Variants in PRKD1 observed in about 807,000 individuals in gnomAD.
PRKD1 encodes protein kinase D1.
Under a neutral mutation model 95.9 loss-of-function variants are expected in PRKD1, and 63 were observed. The observed-to-expected ratio is 0.66, with a 90% CI of 0.54 to 0.81. The LOEUF is 0.81. PRKD1 is among the 30% of genes least tolerant of loss of function. PRKD1 has a pLI of 0.00. For missense variants in PRKD1, 1,048 were observed against 1,165.3 expected (o/e 0.90, Z 1.47); for synonymous variants, 425 against 423.1 (o/e 1.00, Z -0.05).
At chr14:29,703,063 T>G (rs1258953908) in intron 2 of PRKD1, among the ~76,000 whole-genome samples, 1 of 152,174 alleles carries the variant, frequency 6.6e-6, no homozygotes, top group East Asian at 1.9e-4. Flanking sequence ...CTTTGCCACG[T>G]GGTCAAATCT....
chr14:29,725,603 G>A lies in PRKD1; in HGVS notation c.336C>T (p.Asn112=). 1 of 1,613,794 alleles carries A rather than the reference G, an allele frequency of 6.2e-7. No individual in the cohort carries two copies. Among genetic ancestry groups the A allele is most frequent in the Non-Finnish European group, 8.5e-7 (1 of 1,179,776 alleles). ...LLFRHDPTSE[N]ILQLVKAASD... is the part of the protein sequence containing the mutation. The stretch of plus-strand genomic sequence containing the variant: ...TGGCCGCTTTCACCAGCTGAAGGAT[G>A]TTTTCAGAGGTAGGGTCATGGCGAA... Residue 112 remains asparagine (N), a synonymous_variant, in exon 2 of 18, where the codon AAC becomes AAT. Transcript: ENST00000331968.
chr14:29,776,462 A>G (rs1417716314), intron 1 of PRKD1, among the ~76,000 whole-genome samples: 1 of 152,192 alleles, frequency 6.6e-6, no homozygotes, highest in Non-Finnish European at 1.5e-5. Context: ...GACCTGATGG[A>G]GCTGAAAACC....
intron 1 of PRKD1, among the ~76,000 whole-genome samples, chr14:29,897,289 C>T (rs1278073600): frequency 6.6e-6 from 1 of 152,052 alleles, no homozygotes; most frequent in Non-Finnish European, 1.5e-5. Flanking sequence ...TATTGTAATA[C>T]TACTGTATAC....
At chr14:29,679,100 T>G (rs185942302) in intron 2 of PRKD1, among the ~76,000 whole-genome samples, 166 of 152,294 alleles carry the variant, frequency 1.1e-3, no homozygotes, top group African/African-American at 3.8e-3. Context: ...AACCAAACCA[T>G]GTGCTTCATT....
At chr14:29,901,787 G>GT (rs1297848972) in intron 1 of PRKD1, among the ~76,000 whole-genome samples, 1 of 151,924 alleles carries the variant, frequency 6.6e-6, no homozygotes, top group Non-Finnish European at 1.5e-5. Context: ...CACTCAAGCC[G>GT]TATTTATTTT....
intron 1 of PRKD1, among the ~76,000 whole-genome samples, chr14:29,848,938 A>T (rs867851369): frequency 2.0e-5 from 3 of 151,878 alleles, no homozygotes; most frequent in Non-Finnish European, 3.0e-5. Context: ...AACAACCACA[A>T]CAACAGAAGT....
intron 1 of PRKD1, among the ~76,000 whole-genome samples, chr14:29,898,381 T>C (rs1894205262): frequency 6.6e-6 from 1 of 152,152 alleles, no homozygotes; most frequent in Non-Finnish European, 1.5e-5. Flanking sequence ...GTCAGTAGAA[T>C]GGTAAGTAAG....
intron 1 of PRKD1, among the ~76,000 whole-genome samples, chr14:29,830,632 G>A (rs950570340): frequency 6.6e-6 from 1 of 151,524 alleles, no homozygotes; most frequent in African/African-American, 2.4e-5. Flanking sequence ...GCACAACTGG[G>A]AGTCATAAAT....
intron 16 of PRKD1, among the ~76,000 whole-genome samples, chr14:29,590,263 CTTA>C (rs1893082047): frequency 6.6e-6 from 1 of 152,160 alleles, no homozygotes; most frequent in South Asian, 2.1e-4. Context: ...TTTTCTCTAT[CTTA>C]TTGTTTTCCT....
At chr14:29,638,208 T>C (rs978898043) in intron 6 of PRKD1, 6 of 383,850 alleles carry the variant, frequency 1.6e-5, no homozygotes, top group Non-Finnish European at 2.8e-5. Flanking sequence ...CAAACTAGGA[T>C]AAGAATATAA....
chr14:29,871,232 C>T (rs1893095110), intron 1 of PRKD1, among the ~76,000 whole-genome samples: 1 of 152,204 alleles, frequency 6.6e-6, no homozygotes, highest in Non-Finnish European at 1.5e-5. Flanking sequence ...ATGGAATACT[C>T]TCCACGGAAA....
intron 1 of PRKD1, among the ~76,000 whole-genome samples, chr14:29,862,101 A>G (rs534898386): frequency 6.6e-6 from 1 of 152,102 alleles, no homozygotes; most frequent in Non-Finnish European, 1.5e-5. Flanking sequence ...TTTGATTTTT[A>G]GATTCCACAA....
At chr14:29,722,822 A>C (rs1472481143) in intron 2 of PRKD1, among the ~76,000 whole-genome samples, 1 of 152,202 alleles carries the variant, frequency 6.6e-6, no homozygotes. Context: ...AAGTCATTGA[A>C]ACTCCATCAA....
intron 1 of PRKD1, among the ~76,000 whole-genome samples, chr14:29,925,430 A>G (rs1895263146): frequency 6.6e-6 from 1 of 152,164 alleles, no homozygotes; most frequent in South Asian, 2.1e-4. Context: ...TCATAACTGT[A>G]CTTCCCTTAA....
At chr14:29,833,371 T>A (rs966708550) in intron 1 of PRKD1, among the ~76,000 whole-genome samples, 1 of 152,142 alleles carries the variant, frequency 6.6e-6, no homozygotes, top group African/African-American at 2.4e-5. Context: ...TATTCTTTTA[T>A]AATAAACCTG....
At chr14:29,700,275 C>T (rs1884762313) in intron 2 of PRKD1, among the ~76,000 whole-genome samples, 1 of 152,124 alleles carries the variant, frequency 6.6e-6, no homozygotes, top group Non-Finnish European at 1.5e-5. Context: ...ATTTCTACTC[C>T]ATAAACAAAT....
rs369207213 is a variant in PRKD1 at position 29,644,267 on chromosome 14, C to T, written c.697-5363G>A. 4.5e-4 allele frequency among the ~76,000 whole-genome samples: 68 copies of T among 152,298 alleles called. No homozygotes were observed. In the South Asian group the frequency reaches 0.014, roughly 31 times the overall value. On this transcript the variant is annotated intron_variant, in intron 4 of 17. Transcript: ENST00000331968. Reference sequence around the variant, plus strand: ...TAAGGAATATTTTCCCCTGCAAATGCTCTGTACTTGTCTGCCTGCTCCTTG... The same window carrying T: ...TAAGGAATATTTTCCCCTGCAAATGTTCTGTACTTGTCTGCCTGCTCCTTG...
At chr14:29,587,434 T>C (rs1407167087) in intron 16 of PRKD1, among the ~76,000 whole-genome samples, 1 of 152,226 alleles carries the variant, frequency 6.6e-6, no homozygotes, top group East Asian at 1.9e-4. Flanking sequence ...TCAGGTGTTA[T>C]ATATTTCAAC....
chr14:29,671,106 A>C (rs1882814944), intron 2 of PRKD1, among the ~76,000 whole-genome samples: 1 of 152,178 alleles, frequency 6.6e-6, no homozygotes, highest in Non-Finnish European at 1.5e-5. Flanking sequence ...TAGGTTGACT[A>C]GGCAGCTCAG....
Sources: gnomAD v4.1 joint callset for allele counts (sites outside exome capture counted in the v4.1 genomes callset) on GRCh38, gnomAD v4.1.1 for gene constraint, MANE v1.5 for transcripts, NCBI Gene and HGNC (gene_info 2026-07-23, HGNC 2026-07-21) for gene names.